INPP4B: variants seen among roughly 807,000 people sequenced by gnomAD.
INPP4B encodes inositol polyphosphate-4-phosphatase type II B.
Under a neutral mutation model 122.5 loss-of-function variants are expected in INPP4B, and 55 were observed. That is an observed-to-expected ratio of 0.45 (90% CI 0.36 to 0.56). The LOEUF is 0.56. Ranked by LOEUF, INPP4B falls within the 20% of genes least tolerant of loss-of-function variation. The probability of loss-of-function intolerance (pLI) is 0.00; values close to 1 mark genes in which losing one functional copy is unlikely to be tolerated. For missense variants in INPP4B, 1,000 were observed against 1,097.7 expected (o/e 0.91, Z 1.26); for synonymous variants, 403 against 388.7 (o/e 1.04, Z -0.43).
intron 5 of INPP4B, among the ~76,000 whole-genome samples, chr4:142,405,593 C>T (rs578082981): frequency 6.6e-6 from 1 of 152,256 alleles, no homozygotes; most frequent in African/African-American, 2.4e-5. Flanking sequence ...TAATGCGTGA[C>T]TATGCACACA....
chr4:142,405,175 G>C, intron 6 of INPP4B, 31 bp downstream of exon 6: 1 of 1,262,712 alleles, frequency 7.9e-7, no homozygotes, highest in Non-Finnish European at 1.2e-6. Context: ...GAGAGAGAGA[G>C]AGAGATTAAT....
At chr4:142,321,664 G>T (rs71608478) in intron 7 of INPP4B, among the ~76,000 whole-genome samples, 2 of 151,900 alleles carry the variant, frequency 1.3e-5, no homozygotes, top group African/African-American at 2.4e-5. Context: ...CAATTGTTCC[G>T]GCACCATTTG....
intron 25 of INPP4B, among the ~76,000 whole-genome samples, chr4:142,039,960 T>C (rs1429997141): frequency 6.6e-6 from 1 of 152,176 alleles, no homozygotes; most frequent in Admixed American, 6.5e-5. Context: ...TTAGCAGTAC[T>C]GGAAGCAATA....
intron 14 of INPP4B, among the ~76,000 whole-genome samples, chr4:142,203,909 T>C (rs1373458714): frequency 6.6e-6 from 1 of 152,114 alleles, no homozygotes; most frequent in Non-Finnish European, 1.5e-5. Flanking sequence ...CCCATCTTAC[T>C]TGCATTATTA....
chr4:142,032,002 C>T (rs537812410), intron 25 of INPP4B, among the ~76,000 whole-genome samples: 1 of 152,068 alleles, frequency 6.6e-6, no homozygotes, highest in Non-Finnish European at 1.5e-5. Context: ...GGAAAAGATT[C>T]ATATGTGTGT....
chr4:142,293,189 C>T (rs1350000267), intron 9 of INPP4B, among the ~76,000 whole-genome samples: 1 of 151,968 alleles, frequency 6.6e-6, no homozygotes, highest in East Asian at 1.9e-4. Flanking sequence ...CAGGTGCCTG[C>T]CACCACGCCC....
chr4:142,664,362 A>G (rs1227161707), intron 2 of INPP4B, among the ~76,000 whole-genome samples: 1 of 151,722 alleles, frequency 6.6e-6, no homozygotes, highest in Non-Finnish European at 1.5e-5. Flanking sequence ...TGTGTCTAAT[A>G]CTCCACCAAG....
intron 2 of INPP4B, among the ~76,000 whole-genome samples, chr4:142,715,563 T>C (rs1490274251): frequency 6.8e-6 from 1 of 147,392 alleles, no homozygotes; most frequent in Non-Finnish European, 1.5e-5. Flanking sequence ...GAATACAAAA[T>C]GTCTATAACC....
chr4:142,408,613 A>G (rs891188552), intron 5 of INPP4B, among the ~76,000 whole-genome samples: 5 of 152,190 alleles, frequency 3.3e-5, no homozygotes, highest in Admixed American at 3.3e-4. Flanking sequence ...CATTAACCAA[A>G]TATAATTCTA....
chr4:142,637,530 C>T (rs951788068), intron 2 of INPP4B, among the ~76,000 whole-genome samples: 6 of 152,146 alleles, frequency 3.9e-5, no homozygotes, highest in Non-Finnish European at 5.9e-5. Context: ...CTTGATACTT[C>T]ATTTCTTTCT....
chr4:142,187,372 G>A (rs1331737666), intron 15 of INPP4B, among the ~76,000 whole-genome samples: 1 of 151,882 alleles, frequency 6.6e-6, no homozygotes, highest in Non-Finnish European at 1.5e-5. Flanking sequence ...AAATGAATAG[G>A]AGATAAATTT....
intron 25 of INPP4B, among the ~76,000 whole-genome samples, chr4:142,073,469 G>A (rs769190860): frequency 6.6e-6 from 1 of 152,072 alleles, no homozygotes; most frequent in Non-Finnish European, 1.5e-5. Flanking sequence ...TTGAACCAGT[G>A]TCTAGAGCAC....
chr4:142,111,225 T>A (rs902699406), intron 22 of INPP4B, among the ~76,000 whole-genome samples: 7 of 152,120 alleles, frequency 4.6e-5, no homozygotes, highest in Admixed American at 4.6e-4. Context: ...TTAAATATTA[T>A]AATACCAAAG....
chr4:142,220,576 G>A (rs937429249), intron 12 of INPP4B, among the ~76,000 whole-genome samples: 2 of 152,122 alleles, frequency 1.3e-5, no homozygotes, highest in African/African-American at 2.4e-5. Flanking sequence ...GAAGTTAAGC[G>A]ATTCACTCCT....
At chr4:142,326,737 A>G (rs1772531958) in intron 7 of INPP4B, among the ~76,000 whole-genome samples, 2 of 152,164 alleles carry the variant, frequency 1.3e-5, no homozygotes, top group Non-Finnish European at 2.9e-5. Flanking sequence ...CTTATAGTTG[A>G]TATATAAGAA....
At chr4:142,533,397 C>A (rs1197992186) in intron 2 of INPP4B, among the ~76,000 whole-genome samples, 1 of 152,034 alleles carries the variant, frequency 6.6e-6, no homozygotes, top group Non-Finnish European at 1.5e-5. Flanking sequence ...AAGCTCTCAA[C>A]CACTTCTTTT....
intron 2 of INPP4B, among the ~76,000 whole-genome samples, chr4:142,546,904 T>C (rs1829705003): frequency 1.3e-5 from 2 of 152,138 alleles, no homozygotes; most frequent in Non-Finnish European, 2.9e-5. Context: ...ACATAAAGAA[T>C]ATAGAAAGTA....
intron 25 of INPP4B, 152 bp from the exon 26 acceptor site, chr4:142,029,066 CAAAATT>C: frequency 7.2e-7 from 1 of 1,398,304 alleles, no homozygotes; most frequent in Non-Finnish European, 9.2e-7. Flanking sequence ...ATACATCTTA[CAAAATT>C]AAATCCTAGG....
chr4:142,417,065 T>A (rs1444787053), intron 5 of INPP4B, among the ~76,000 whole-genome samples: 1 of 151,816 alleles, frequency 6.6e-6, no homozygotes, highest in Non-Finnish European at 1.5e-5. Context: ...AGAGGATCAG[T>A]GTTTGAAGGA....
Sources: gnomAD v4.1 joint callset for allele counts (sites outside exome capture counted in the v4.1 genomes callset) on GRCh38, gnomAD v4.1.1 for gene constraint, MANE v1.5 for transcripts, NCBI Gene and HGNC (gene_info 2026-07-23, HGNC 2026-07-21) for gene names.